The following UBE2E2 variants were observed in gnomAD, a reference collection of about 807,000 sequenced individuals.
UBE2E2 encodes ubiquitin conjugating enzyme E2 E2, also known as ubiquitin-conjugating enzyme E2 E2.
UBE2E2 carries 6 observed loss-of-function variants against 24.7 expected under a neutral mutation model. The observed-to-expected ratio is 0.24, with a 90% CI of 0.13 to 0.48. The LOEUF is 0.48. Ranked by LOEUF, UBE2E2 falls within the 20% of genes least tolerant of loss-of-function variation. The probability of loss-of-function intolerance (pLI) is 0.99; values close to 1 mark genes in which losing one functional copy is unlikely to be tolerated. For synonymous variants in UBE2E2, 104 were observed against 83.6 expected, an observed-to-expected ratio of 1.24 and a Z score of -1.33; for missense variants, 169 against 245.0, an observed-to-expected ratio of 0.69 and a Z score of 2.07.
chr3:23,501,482 T>C (rs1235799933), intron 4 of UBE2E2, among the ~76,000 whole-genome samples: 1 of 152,168 alleles, frequency 6.6e-6, no homozygotes, highest in Non-Finnish European at 1.5e-5. Context: ...AGAGAGGTTT[T>C]CCAAGAGTGT....
chr3:23,372,298 A>T (rs1283292676), intron 3 of UBE2E2, among the ~76,000 whole-genome samples: 2 of 152,026 alleles, frequency 1.3e-5, no homozygotes, highest in Non-Finnish European at 2.9e-5. Context: ...AGTGTACTGG[A>T]TATACGTCTA....
rs201726485 is a variant in UBE2E2 at position 23,524,871 on chromosome 3, C to CAG, written c.361-7682_361-7681insGA. Among the ~76,000 whole-genome samples the CAG allele has an allele frequency of 2.0e-5, 3 of 150,952 alleles. No homozygotes were observed. In the East Asian group the frequency reaches 5.8e-4, roughly 29 times the overall value. The stretch of plus-strand genomic sequence containing the variant: ...AGATACACACAGACACACAGACACA[C>CAG]ACACACACACACACACACACACGTG... On this transcript the variant is annotated intron_variant, in intron 4 of 5. Coordinates refer to ENST00000396703, the MANE Select transcript of UBE2E2 (RefSeq NM_152653.4).
At chr3:23,399,210 C>T (rs1402905644) in intron 3 of UBE2E2, among the ~76,000 whole-genome samples, 2 of 152,132 alleles carry the variant, frequency 1.3e-5, no homozygotes, top group African/African-American at 4.8e-5. Flanking sequence ...AAGTTAAGAA[C>T]GTTTATCTTT....
intron 3 of UBE2E2, among the ~76,000 whole-genome samples, chr3:23,434,188 C>T (rs1245362611): frequency 6.6e-6 from 1 of 152,056 alleles, no homozygotes; most frequent in African/African-American, 2.4e-5. Context: ...GGCTTTATTA[C>T]TGTGCAATTT....
At position 23,280,265 on chromosome 3, in the gene UBE2E2, T is replaced by C. The variant is rs1698464149; in HGVS notation, c.227+62953T>C. Among the ~76,000 whole-genome samples, 1 of 152,198 alleles carries C rather than the reference T, an allele frequency of 6.6e-6. No homozygotes were observed. The highest frequency in any genetic ancestry group is 1.5e-5 in the Non-Finnish European group (1 of 68,026). ...TTATTAACCCTTTTATTTGTGACTC[T>C]TTTTTGGTATTCAGAATTGCACCCC... On this transcript the variant is annotated intron_variant, in intron 3 of 5. Transcript: ENST00000396703. The surrounding 1 kb of genome is among the most constrained non-coding windows in gnomAD (Gnocchi z 4.3).
In UBE2E2 at chr3:23,329,229, C is replaced by G. The variant is rs567502539; in HGVS notation, c.227+111917C>G. Reference sequence around the variant, plus strand: ...ATTTTGAAAAGGCAAACCAAATAGGCAAATATTTATGGAGTTTCTAACACA... The same window carrying G: ...ATTTTGAAAAGGCAAACCAAATAGGGAAATATTTATGGAGTTTCTAACACA... On this transcript the variant is annotated intron_variant, in intron 3 of 5. Coordinates refer to ENST00000396703, the MANE Select transcript of UBE2E2 (RefSeq NM_152653.4). Among the ~76,000 whole-genome samples the G allele has an allele frequency of 1.3e-4, 20 of 152,166 alleles. No individual in the cohort carries two copies. The South Asian group carries it at 4.2e-3, about 32-fold the overall frequency.
intron 5 of UBE2E2, among the ~76,000 whole-genome samples, chr3:23,560,782 C>T (rs1017013667): frequency 5.6e-4 from 85 of 152,098 alleles, no homozygotes; most frequent in Middle Eastern, 3.2e-3. Context: ...GATGGTATCT[C>T]ATTGTGGTTT....
chr3:23,241,144 TA>T (rs1227575873), intron 3 of UBE2E2, among the ~76,000 whole-genome samples: 13 of 152,214 alleles, frequency 8.5e-5, no homozygotes, highest in Admixed American at 8.5e-4. Flanking sequence ...TCTTTCCATT[TA>T]GGAGTCATTG....
At chr3:23,465,655 A>G (rs1035881817) in intron 3 of UBE2E2, among the ~76,000 whole-genome samples, 4 of 152,138 alleles carry the variant, frequency 2.6e-5, no homozygotes, top group Non-Finnish European at 5.9e-5. Context: ...CACTTCCCTG[A>G]TCAGATCTAC....
intron 3 of UBE2E2, among the ~76,000 whole-genome samples, chr3:23,461,836 A>G (rs375419969): frequency 2.0e-5 from 3 of 152,306 alleles, no homozygotes; most frequent in African/African-American, 4.8e-5. Flanking sequence ...ATTACATTGC[A>G]TGTTCTGAAA....
intron 3 of UBE2E2, among the ~76,000 whole-genome samples, chr3:23,237,929 T>C (rs1697158709): frequency 6.6e-6 from 1 of 152,170 alleles, no homozygotes; most frequent in Admixed American, 6.5e-5. Context: ...TACAAACTCT[T>C]GAGGGGAAAT....
intron 3 of UBE2E2, among the ~76,000 whole-genome samples, chr3:23,301,915 G>C (rs180870444): frequency 7.1e-6 from 1 of 141,122 alleles, no homozygotes; most frequent in Non-Finnish European, 1.5e-5. Flanking sequence ...CTTCCTTAAT[G>C]TTTCTTCGCT....
At chr3:23,332,097 ATGCTAT>A in intron 3 of UBE2E2, among the ~76,000 whole-genome samples, 1 of 152,174 alleles carries the variant, frequency 6.6e-6, no homozygotes, top group South Asian at 2.1e-4. Flanking sequence ...ATTTGTATTA[ATGCTAT>A]TGCTGTATAT....
At chr3:23,322,003 T>A (rs1258717992) in intron 3 of UBE2E2, among the ~76,000 whole-genome samples, 2 of 152,158 alleles carry the variant, frequency 1.3e-5, no homozygotes, top group Non-Finnish European at 2.9e-5. Context: ...AGTTTTATAA[T>A]CCTTTGTCAT....
chr3:23,436,908 C>A (rs1055831936), intron 3 of UBE2E2, among the ~76,000 whole-genome samples: 2 of 152,206 alleles, frequency 1.3e-5, no homozygotes, highest in African/African-American at 4.8e-5. Flanking sequence ...TTGCATAATA[C>A]TATGAGCTGG....
At position 23,480,552 on chromosome 3, in the gene UBE2E2, C is replaced by G. The variant is rs115587185; in HGVS notation, c.228-19056C>G. Among the ~76,000 whole-genome samples the G allele has an allele frequency of 2.3e-4, 35 of 152,084 alleles. No individual in the cohort carries two copies. In the East Asian group the frequency reaches 6.6e-3, roughly 29 times the overall value. ...GGGTGCAGCCCTCGCTGCGCCTCCC[C>G]CACTACAGCTGGCATCCGTACAGCA... On this transcript the variant is annotated intron_variant, in intron 3 of 5. Transcript: ENST00000396703.
chr3:23,564,795 T>C (rs1486025088), intron 5 of UBE2E2, among the ~76,000 whole-genome samples: 1 of 152,184 alleles, frequency 6.6e-6, no homozygotes, highest in Non-Finnish European at 1.5e-5. Context: ...TTTAATGATG[T>C]ATCTTGGAGA....
chr3:23,547,468 T>C (rs966821930), intron 5 of UBE2E2, among the ~76,000 whole-genome samples: 5 of 152,228 alleles, frequency 3.3e-5, no homozygotes, highest in Admixed American at 2.6e-4. Flanking sequence ...GTTCATTTGT[T>C]TTGCTATTTA....
intron 5 of UBE2E2, among the ~76,000 whole-genome samples, chr3:23,588,402 GTTTTTTTGTTT>G (rs1385818223): frequency 1.0e-4 from 11 of 110,072 alleles, no homozygotes; most frequent in African/African-American, 3.8e-4. Flanking sequence ...TTGTTTTTTT[GTTTTTTTGTTT>G]TTTTTTTTTT....
Sources: allele counts gnomAD v4.1 joint callset (sites outside exome capture counted in the v4.1 genomes callset), GRCh38; gene constraint gnomAD v4.1.1; non-coding constraint Gnocchi (gnomAD v3.1); transcripts MANE v1.5; gene names NCBI Gene and HGNC (gene_info 2026-07-23, HGNC 2026-07-21).